SYNPR: variants seen among roughly 807,000 people sequenced by gnomAD.
SYNPR encodes the protein synaptoporin.
In SYNPR, 23 loss-of-function variants were observed where a neutral mutation model predicts 32.9. The observed-to-expected ratio is 0.70, with a 90% CI of 0.50 to 0.99. SYNPR has a LOEUF of 0.99. SYNPR is among the 50% of genes least tolerant of loss of function. The pLI, the probability that SYNPR is intolerant of heterozygous loss-of-function variation, is 0.00. For missense variants in SYNPR, 318 were observed against 349.3 expected, an observed-to-expected ratio of 0.91 and a Z score of 0.71; for synonymous variants, 146 against 135.9, an observed-to-expected ratio of 1.07 and a Z score of -0.52.
rs1262752013 is a variant in SYNPR, at chr3:63,500,262, A to G, written c.209+19306A>G. Among the ~76,000 whole-genome samples, 3 of 152,184 alleles carry G rather than the reference A, an allele frequency of 2.0e-5. No homozygotes were observed. The East Asian group carries it at 5.8e-4, about 29-fold the overall frequency. ...CCCTTGAAACAATGTGAAAATAAAG[A>G]GCAGTCCTCTATGCCTCCGCAGTCA... On this transcript the variant is annotated intron_variant, in intron 3 of 5. Coordinates refer to ENST00000478300, the MANE Select transcript of SYNPR (RefSeq NM_001130003.2).
At chr3:63,509,377 C>A (rs1393997693) in intron 3 of SYNPR, among the ~76,000 whole-genome samples, 1 of 150,974 alleles carries the variant, frequency 6.6e-6, no homozygotes, top group Non-Finnish European at 1.5e-5. Context: ...AAAGAATATA[C>A]ATATTCTTAT....
chr3:63,284,312 A>G (rs1435573725), intron 2 of SYNPR, among the ~76,000 whole-genome samples: 2 of 152,230 alleles, frequency 1.3e-5, no homozygotes, highest in Non-Finnish European at 2.9e-5. Flanking sequence ...GTGCAGACTT[A>G]AGGTCATCAA....
chr3:63,238,729 T>C (rs2086216396), intron 1 of SYNPR, among the ~76,000 whole-genome samples: 1 of 152,182 alleles, frequency 6.6e-6, no homozygotes. Flanking sequence ...GACATTCTTG[T>C]GGTTATTTGT....
chr3:63,248,614 T>G (rs2086308616), intron 1 of SYNPR, among the ~76,000 whole-genome samples: 1 of 152,182 alleles, frequency 6.6e-6, no homozygotes, highest in Non-Finnish European at 1.5e-5. Context: ...GAAGTTTATA[T>G]GTGTGTTCTT....
At chr3:63,494,182 T>G (rs1701312224) in intron 3 of SYNPR, among the ~76,000 whole-genome samples, 1 of 151,390 alleles carries the variant, frequency 6.6e-6, no homozygotes, top group Non-Finnish European at 1.5e-5. Context: ...CATACATTAC[T>G]CTTAGAAAGA....
intron 3 of SYNPR, among the ~76,000 whole-genome samples, chr3:63,521,249 A>G (rs1420822507): frequency 6.6e-6 from 1 of 152,134 alleles, no homozygotes; most frequent in Non-Finnish European, 1.5e-5. Context: ...ACCACTTTTT[A>G]CCTATAAAGC....
chr3:63,346,919 G>T (rs1293719432), intron 2 of SYNPR, among the ~76,000 whole-genome samples: 2 of 152,176 alleles, frequency 1.3e-5, no homozygotes, highest in Non-Finnish European at 2.9e-5. Context: ...ATATTCTATG[G>T]ATATGAGTAT....
At chr3:63,358,208 A>C (rs1377372910) in intron 2 of SYNPR, among the ~76,000 whole-genome samples, 2 of 152,230 alleles carry the variant, frequency 1.3e-5, no homozygotes, top group Non-Finnish European at 2.9e-5. Flanking sequence ...TTAGTGGCTT[A>C]AAACAACACA....
rs557258332 is a variant in SYNPR, at chr3:63,352,019, C to T, written c.84+73277C>T. Among the ~76,000 whole-genome samples, 19 of 152,082 alleles carry T rather than the reference C, an allele frequency of 1.2e-4. No individual in the cohort carries two copies. In the East Asian group the frequency reaches 3.3e-3, roughly 26 times the overall value. ...ATATGAAACCTGCTCTCTGGGGAGC[C>T]GACCTGAAGGAAAGGAAGAAGCCAG... On this transcript the variant is annotated intron_variant, in intron 2 of 5. Transcript: ENST00000478300.
At chr3:63,350,061 C>T (rs773258304) in intron 2 of SYNPR, among the ~76,000 whole-genome samples, 3 of 152,102 alleles carry the variant, frequency 2.0e-5, no homozygotes, top group Admixed American at 6.6e-5. Flanking sequence ...ATAAGAAGAG[C>T]TAACATATCA....
intron 2 of SYNPR, among the ~76,000 whole-genome samples, chr3:63,254,496 G>T (rs1415609582): frequency 2.6e-5 from 4 of 152,036 alleles, no homozygotes; most frequent in Admixed American, 6.6e-5. Flanking sequence ...TATCAAAATT[G>T]TTTCAGTTAA....
At chr3:63,417,805 G>C (rs1405135435) in intron 2 of SYNPR, among the ~76,000 whole-genome samples, 1 of 152,196 alleles carries the variant, frequency 6.6e-6, no homozygotes, top group Non-Finnish European at 1.5e-5. Context: ...CTGGGACACA[G>C]GGCACCAAGT....
intron 2 of SYNPR, among the ~76,000 whole-genome samples, chr3:63,449,618 C>G (rs1298667053): frequency 1.3e-5 from 2 of 152,150 alleles, no homozygotes; most frequent in African/African-American, 4.8e-5. Flanking sequence ...CCACCTTTGA[C>G]CAAATCCTCC....
At chr3:63,402,318 G>A (rs1375603962) in intron 2 of SYNPR, among the ~76,000 whole-genome samples, 1 of 152,132 alleles carries the variant, frequency 6.6e-6, no homozygotes, top group Non-Finnish European at 1.5e-5. Context: ...ATGTCCCTGG[G>A]GCCTGGGGCT....
At chr3:63,555,176 T>C (rs1338486233) in intron 3 of SYNPR, among the ~76,000 whole-genome samples, 2 of 151,878 alleles carry the variant, frequency 1.3e-5, no homozygotes, top group Non-Finnish European at 2.9e-5. Context: ...GTTTGACTTC[T>C]TTTCCTATTT....
At chr3:63,330,483 A>G (rs2087216529) in intron 2 of SYNPR, among the ~76,000 whole-genome samples, 1 of 151,928 alleles carries the variant, frequency 6.6e-6, no homozygotes, top group Non-Finnish European at 1.5e-5. Context: ...GTCTCACCTC[A>G]TGCAGCCACG....
intron 2 of SYNPR, among the ~76,000 whole-genome samples, chr3:63,440,824 T>C (rs1700157404): frequency 6.6e-6 from 1 of 152,046 alleles, no homozygotes; most frequent in Non-Finnish European, 1.5e-5. Context: ...CCTCCTATCT[T>C]CCCAAATGTT....
intron 2 of SYNPR, among the ~76,000 whole-genome samples, chr3:63,408,273 GAA>G (rs1560221097): frequency 1.3e-3 from 128 of 100,034 alleles, no homozygotes; most frequent in Non-Finnish European, 1.9e-3. Flanking sequence ...AAGAAAGAAA[GAA>G]AGAGGAAGGA....
chr3:63,380,675 C>A (rs1327732749), intron 2 of SYNPR, among the ~76,000 whole-genome samples: 1 of 152,114 alleles, frequency 6.6e-6, no homozygotes, highest in Non-Finnish European at 1.5e-5. Flanking sequence ...CAAACCGAAT[C>A]CAGCAGCACA....
Sources: gnomAD v4.1 joint callset for allele counts (sites outside exome capture counted in the v4.1 genomes callset) on GRCh38, gnomAD v4.1.1 for gene constraint, MANE v1.5 for transcripts, NCBI Gene and HGNC (gene_info 2026-07-23, HGNC 2026-07-21) for gene names.